The following PCDHGB5 variants were observed in gnomAD, a reference collection of about 807,000 sequenced individuals.
PCDHGB5 encodes protocadherin gamma-B5.
In PCDHGB5, 48 loss-of-function variants were observed where a neutral mutation model predicts 62.9. The observed-to-expected ratio is 0.76, with a 90% CI of 0.61 to 0.97. PCDHGB5 has a LOEUF of 0.97. PCDHGB5 is among the 50% of genes least tolerant of loss of function. The probability of loss-of-function intolerance (pLI) is 0.00; values close to 1 mark genes in which losing one functional copy is unlikely to be tolerated. For missense variants in PCDHGB5, 1,118 were observed against 1,198.6 expected (o/e 0.93, Z 0.99); for synonymous variants, 474 against 511.2 (o/e 0.93, Z 0.98).
chr5:141,463,424 CT>C (rs2099058999), intron 1 of PCDHGB5, among the ~76,000 whole-genome samples: 1 of 148,698 alleles, frequency 6.7e-6, no homozygotes, highest in Non-Finnish European at 1.5e-5. Flanking sequence ...TTTGCGGATC[CT>C]CATTTCCTTC....
chr5:141,404,685 C>T (rs554522683), intron 1 of PCDHGB5: 1 of 1,614,010 alleles, frequency 6.2e-7, no homozygotes, highest in South Asian at 1.1e-5. Flanking sequence ...GTGGAGCTGG[C>T]ACCCCGCTCT....
Position 141,399,131 on chromosome 5 carries a change from A to T in PCDHGB5, c.1004A>T (p.Asp335Val). ...TGTACAGTTGAAATTAATATTCAAGATGAAAATGACAATAGCCCAGAAGTT... is the reference window on the plus strand; with the variant it reads ...TGTACAGTTGAAATTAATATTCAAGTTGAAAATGACAATAGCCCAGAAGTT... ...AQCTVEINIQ[D>V]ENDNSPEVTF... is the part of the protein sequence containing the mutation. The change falls in exon 1 of 4, where the codon GAT becomes GTT. Residue 335 changes from aspartate (D) to valine (V), a missense_variant. By Grantham distance (152) the Asp-to-Val change is radical. Transcript: ENST00000617380. 6.2e-7 allele frequency: 1 copy of T among 1,613,856 alleles called. No individual in the cohort carries two copies. Among genetic ancestry groups the T allele is most frequent in the African/African-American group, 1.3e-5 (1 of 75,066 alleles).
intron 1 of PCDHGB5, chr5:141,405,187 G>T (rs372851700): frequency 9.3e-6 from 15 of 1,613,480 alleles, no homozygotes; most frequent in Non-Finnish European, 1.3e-5. Flanking sequence ...GTGTAGATGG[G>T]GTTCGAGCTT....
intron 1 of PCDHGB5, chr5:141,414,150 A>C (rs750190499): frequency 6.2e-7 from 1 of 1,600,176 alleles, no homozygotes; most frequent in African/African-American, 1.3e-5. Context: ...AAATACAAGC[A>C]GAAGATGGAG....
rs148995268 is a variant in PCDHGB5, at chr5:141,486,253, C to T, written c.2398-8554C>T. On this transcript the variant is annotated intron_variant, in intron 1 of 3. Coordinates refer to ENST00000617380, the MANE Select transcript of PCDHGB5 (RefSeq NM_018925.3). The surrounding 1 kb of genome is among the most constrained non-coding windows in gnomAD (Gnocchi z 5.0). The stretch of plus-strand genomic sequence containing the variant: ...TGACCTCAGAGCTTGGAACCCTCCC[C>T]GAGAGTGCAGAACCTGGCACTGTGG... 8 of 1,614,020 alleles carry T rather than the reference C, an allele frequency of 5.0e-6. No individual in the cohort carries two copies. The African/African-American group carries it at 8.0e-5, about 16-fold the overall frequency.
chr5:141,440,056 G>A, intron 1 of PCDHGB5: 1 of 152,648 alleles, frequency 6.6e-6, no homozygotes, highest in East Asian at 1.9e-4. Flanking sequence ...GAAAGCTTCG[G>A]GTTAATGCTG....
In PCDHGB5 at chr5:141,489,116, C is replaced by A; in HGVS notation, c.2398-5691C>A. Reference sequence around the variant, plus strand: ...TAAGAACTGCTGCAAGCAGGCAAACCTCCGAGCAGTTTTTAAGAGGCTGGA... The same window carrying A: ...TAAGAACTGCTGCAAGCAGGCAAACATCCGAGCAGTTTTTAAGAGGCTGGA... On this transcript the variant is annotated intron_variant, in intron 1 of 3. Transcript: ENST00000617380. The surrounding 1 kb of genome is among the most constrained non-coding windows in gnomAD (Gnocchi z 4.5). 3.7e-6 allele frequency: 2 copies of A among 536,398 alleles called. No homozygotes were observed. The highest frequency in any genetic ancestry group is 6.2e-6 in the Non-Finnish European group (2 of 322,530). 33.2% of individuals were successfully genotyped at this position (536,398 alleles called of 1,614,324 possible).
At position 141,487,946 on chromosome 5, in the gene PCDHGB5, C is replaced by G. The variant is rs187890859; in HGVS notation, c.2398-6861C>G. 7.9e-5 allele frequency among the ~76,000 whole-genome samples: 12 copies of G among 152,298 alleles called. No homozygotes were observed. The highest frequency in any genetic ancestry group is 7.8e-4 in the Admixed American group (12 of 15,304). Reference sequence around the variant, plus strand: ...AGTGCACAGGGTACAGTGCACCAGGCAGTCACTTGGACAAAGGTGGCTGTT... The same window carrying G: ...AGTGCACAGGGTACAGTGCACCAGGGAGTCACTTGGACAAAGGTGGCTGTT... On this transcript the variant is annotated intron_variant, in intron 1 of 3. Transcript: ENST00000617380. The surrounding 1 kb of genome is among the most constrained non-coding windows in gnomAD (Gnocchi z 5.0).
At chr5:141,420,327 A>G in intron 1 of PCDHGB5, 1 of 1,425,478 alleles carries the variant, frequency 7.0e-7, no homozygotes, top group South Asian at 1.5e-5. Context: ...ATGCCAATAT[A>G]TTCCAATATA....
At position 141,477,850 on chromosome 5, in the gene PCDHGB5, G is replaced by A; in HGVS notation, c.2398-16957G>A. On this transcript the variant is annotated intron_variant, in intron 1 of 3. Transcript: ENST00000617380. The surrounding 1 kb of genome is among the most constrained non-coding windows in gnomAD (Gnocchi z 4.9). ...CTCGGCCAGGTGGGAGCTCGGTGGAGATGCTGCCTCGAGGTACCTCAGCTG... is the reference window on the plus strand; with the variant it reads ...CTCGGCCAGGTGGGAGCTCGGTGGAAATGCTGCCTCGAGGTACCTCAGCTG... 6.2e-7 allele frequency: 1 copy of A among 1,613,446 alleles called. No homozygotes were observed. Among genetic ancestry groups the A allele is most frequent in the Admixed American group, 1.7e-5 (1 of 59,958 alleles).
intron 1 of PCDHGB5, chr5:141,423,850 A>G: frequency 1.6e-6 from 2 of 1,278,674 alleles, no homozygotes; most frequent in East Asian, 3.1e-5. Flanking sequence ...ATCTTTCAGA[A>G]CGTTTTTGTG....
At chr5:141,503,598 C>CTAA (rs2099824827) in intron 2 of PCDHGB5, among the ~76,000 whole-genome samples, 2 of 65,752 alleles carry the variant, frequency 3.0e-5, no homozygotes, top group African/African-American at 9.3e-5. Flanking sequence ...GACTCCAGCT[C>CTAA]AAAAAAAAAA....
intron 1 of PCDHGB5, among the ~76,000 whole-genome samples, chr5:141,455,445 C>T (rs1175054167): frequency 6.6e-6 from 1 of 152,134 alleles, no homozygotes; most frequent in Non-Finnish European, 1.5e-5. Context: ...TCCCCATCTA[C>T]CGCGGATACC....
intron 1 of PCDHGB5, among the ~76,000 whole-genome samples, chr5:141,469,102 A>G (rs1423904196): frequency 6.6e-6 from 1 of 151,626 alleles, no homozygotes; most frequent in East Asian, 1.9e-4. Flanking sequence ...CAAAGCAAGA[A>G]CCTGTCTCTA....
chr5:141,430,216 A>G (rs1487666733), intron 1 of PCDHGB5, among the ~76,000 whole-genome samples: 1 of 150,536 alleles, frequency 6.6e-6, no homozygotes, highest in Non-Finnish European at 1.5e-5. Flanking sequence ...TTATTATATT[A>G]TATGATTTGT....
intron 1 of PCDHGB5, chr5:141,410,849 CTTTTTTTT>C (rs759346998): frequency 2.0e-4 from 27 of 138,178 alleles, no homozygotes; most frequent in Middle Eastern, 4.3e-3. Context: ...TTGTCTTTGT[CTTTTTTTT>C]TTTTTTTTTT....
intron 1 of PCDHGB5, among the ~76,000 whole-genome samples, chr5:141,437,434 G>T (rs183505868): frequency 2.6e-5 from 4 of 152,194 alleles, no homozygotes; most frequent in East Asian, 3.8e-4. Context: ...AGCAGCAATA[G>T]CATAGGAATG....
chr5:141,425,401 T>C (rs1280463432), intron 1 of PCDHGB5, among the ~76,000 whole-genome samples: 1 of 152,234 alleles, frequency 6.6e-6, no homozygotes, highest in Non-Finnish European at 1.5e-5. Context: ...AAAGTTCTGT[T>C]AAGGTATAAC....
intron 2 of PCDHGB5, among the ~76,000 whole-genome samples, chr5:141,504,288 G>GT (rs1175142876): frequency 6.6e-6 from 1 of 152,124 alleles, no homozygotes; most frequent in African/African-American, 2.4e-5. Context: ...ATCATTTCAT[G>GT]TTTTTTCAAC....
Sources: gnomAD v4.1 joint callset for allele counts (sites outside exome capture counted in the v4.1 genomes callset) on GRCh38, gnomAD v4.1.1 for gene constraint, Gnocchi (gnomAD v3.1) non-coding constraint, MANE v1.5 for transcripts, NCBI Gene and HGNC (gene_info 2026-07-23, HGNC 2026-07-21) for gene names.